SPMIP11: variants seen among roughly 807,000 people sequenced by gnomAD.
SPMIP11 encodes the protein sperm microtubule inner protein 11, also known as long intergenic non-protein coding RNA 935.
chr12:48,759,437 C>G, the SPMIP11 span: 1,029 of 636,554 alleles, frequency 1.6e-3, 3 homozygotes, highest in Non-Finnish European at 2.5e-3. Flanking sequence ...GTCTGTAATC[C>G]TAGCACTTTG....
At chr12:48,770,965 G>A in the SPMIP11 span, 2 of 1,613,812 alleles carry the variant, frequency 1.2e-6, no homozygotes, top group Admixed American at 1.7e-5. Flanking sequence ...GCTCCTCGCT[G>A]ATAATCTGAA....
the SPMIP11 span, among the ~76,000 whole-genome samples, chr12:48,740,684 A>C: frequency 6.7e-6 from 1 of 149,038 alleles, no homozygotes; most frequent in African/African-American, 2.5e-5. Context: ...TTAAGAGAGG[A>C]GATCTCAGCC....
chr12:48,754,237 C>CA, the SPMIP11 span, among the ~76,000 whole-genome samples: 8 of 151,636 alleles, frequency 5.3e-5, no homozygotes, highest in South Asian at 2.1e-4. Flanking sequence ...CCTTTCTCTA[C>CA]AAAAAAAAAT....
the SPMIP11 span, chr12:48,759,345 G>A: frequency 1.4e-6 from 1 of 702,676 alleles, no homozygotes; most frequent in South Asian, 1.5e-5. Context: ...AGTACCTTGG[G>A]GTGGGCATCA....
the SPMIP11 span, among the ~76,000 whole-genome samples, chr12:48,761,747 T>C: frequency 1.5e-5 from 2 of 137,900 alleles, no homozygotes; most frequent in East Asian, 4.1e-4. Context: ...TTTTTTTAGA[T>C]AGGGTCTCAC....
the SPMIP11 span, chr12:48,770,914 G>C: frequency 1.9e-6 from 3 of 1,614,230 alleles, no homozygotes; most frequent in Admixed American, 5.0e-5. Context: ...CAGCCATGTA[G>C]GTGCTACCAA....
chr12:48,747,679 C>T, the SPMIP11 span, among the ~76,000 whole-genome samples: 1 of 152,226 alleles, frequency 6.6e-6, no homozygotes, highest in Non-Finnish European at 1.5e-5. Context: ...TGGCTACCCT[C>T]TGCCAAGTTT....
At chr12:48,733,267 G>A in the SPMIP11 span, among the ~76,000 whole-genome samples, 22 of 151,554 alleles carry the variant, frequency 1.5e-4, no homozygotes, top group Non-Finnish European at 2.7e-4. Flanking sequence ...TAGAGGTGAG[G>A]TTTCACCATG....
chr12:48,765,237 T>C, the SPMIP11 span, among the ~76,000 whole-genome samples: 3 of 152,142 alleles, frequency 2.0e-5, no homozygotes, highest in Non-Finnish European at 2.9e-5. Flanking sequence ...CAAGTGTCCA[T>C]AGTAATCCTG....
chr12:48,741,301 A>T, the SPMIP11 span, among the ~76,000 whole-genome samples: 1 of 151,668 alleles, frequency 6.6e-6, no homozygotes, highest in Non-Finnish European at 1.5e-5. Flanking sequence ...TCCACCCACC[A>T]CAGCCTCCCA....
chr12:48,769,027 G>A, the SPMIP11 span: 3,941 of 1,612,836 alleles, frequency 2.4e-3, 89 homozygotes, highest in African/African-American at 0.046. Context: ...TCCGAGCCCC[G>A]ATGACACCTG....
the SPMIP11 span, among the ~76,000 whole-genome samples, chr12:48,729,774 T>C: frequency 6.6e-6 from 1 of 151,520 alleles, no homozygotes; most frequent in African/African-American, 2.4e-5. Flanking sequence ...TCATTCTCTG[T>C]CCTCTGCAAT....
At chr12:48,761,713 A>G in the SPMIP11 span, among the ~76,000 whole-genome samples, 3 of 149,840 alleles carry the variant, frequency 2.0e-5, no homozygotes, top group African/African-American at 4.9e-5. Flanking sequence ...CCATTTATAT[A>G]ACATTCTTTT....
At chr12:48,735,638 C>T in the SPMIP11 span, among the ~76,000 whole-genome samples, 1 of 152,086 alleles carries the variant, frequency 6.6e-6, no homozygotes, top group Non-Finnish European at 1.5e-5. Context: ...TGGCTCACAC[C>T]TGTAATCCCA....
At chr12:48,744,446 T>G in the SPMIP11 span, among the ~76,000 whole-genome samples, 1 of 151,904 alleles carries the variant, frequency 6.6e-6, no homozygotes, top group African/African-American at 2.4e-5. Flanking sequence ...TGGGCACTTG[T>G]GGGCTGGCCA....
the SPMIP11 span, among the ~76,000 whole-genome samples, chr12:48,747,198 C>T: frequency 1.3e-5 from 2 of 151,658 alleles, no homozygotes; most frequent in Non-Finnish European, 2.9e-5. Context: ...CCTTATGTTG[C>T]CCAGGCTGGT....
At chr12:48,769,195 CA>C in the SPMIP11 span, 3 of 968,798 alleles carry the variant, frequency 3.1e-6, no homozygotes, top group Non-Finnish European at 4.3e-6. Flanking sequence ...TTGTAAAGAA[CA>C]ATCTAGTTCA....
chr12:48,749,635 CAAAAA>C, the SPMIP11 span, among the ~76,000 whole-genome samples: 2 of 56,528 alleles, frequency 3.5e-5, no homozygotes, highest in Non-Finnish European at 5.7e-5. Context: ...AACTCGGTGT[CAAAAA>C]AAAAAAAAAA....
chr12:48,771,071 C>G, the SPMIP11 span: 1 of 1,205,130 alleles, frequency 8.3e-7, no homozygotes, highest in Non-Finnish European at 1.2e-6. This position sits in a 1 kb window ranked among gnomAD's most constrained non-coding sequence, Gnocchi z 4.3. Context: ...TTCCCCACTT[C>G]CCTGTCTCAA....
Sources: allele counts gnomAD v4.1 joint callset (sites outside exome capture counted in the v4.1 genomes callset), GRCh38; gene constraint gnomAD v4.1.1; non-coding constraint Gnocchi (gnomAD v3.1); transcripts MANE v1.5; gene names NCBI Gene and HGNC (gene_info 2026-07-23, HGNC 2026-07-21).